The following KIF21A variants were observed in gnomAD, a reference collection of about 807,000 sequenced individuals.
KIF21A encodes kinesin-like protein KIF21A.
KIF21A carries 114 observed loss-of-function variants against 202.9 expected under a neutral mutation model. That is an observed-to-expected ratio of 0.56 (90% CI 0.48 to 0.66). The LOEUF (loss-of-function observed/expected upper bound fraction) is 0.66, where lower values mean the gene tolerates loss of function less well. Among genes scored for constraint, KIF21A ranks in the 30% least tolerant of loss-of-function variants. The pLI is 0.00. For missense variants in KIF21A, 1,677 were observed against 1,994.9 expected (o/e 0.84, Z 3.04); for synonymous variants, 667 against 670.8 (o/e 0.99, Z 0.09).
chr12:39,315,802 AT>A (rs1484856453), intron 30 of KIF21A, 129 bp downstream of exon 30: 1 of 777,826 alleles, frequency 1.3e-6, no homozygotes, highest in Admixed American at 1.7e-5. Flanking sequence ...GTTTAGAAAT[AT>A]TAGTGCATTT....
Position 39,317,095 on chromosome 12 carries a change from T to A in KIF21A, c.3908+978A>T, listed in dbSNP as rs375538968. Among the ~76,000 whole-genome samples the A allele has an allele frequency of 3.9e-5, 6 of 152,254 alleles. No individual in the cohort carries two copies. The East Asian group carries it at 1.2e-3, about 29-fold the overall frequency. ...TTTTGTTTAATAACACAGGAAAATA[T>A]TTACCTACCTAGATCAATGTAAAGA... On this transcript the variant is annotated intron_variant, in intron 29 of 37. Transcript: ENST00000361418.
At chr12:39,297,932 A>G (rs1452181648) in intron 37 of KIF21A, among the ~76,000 whole-genome samples, 1 of 150,368 alleles carries the variant, frequency 6.7e-6, no homozygotes, top group Non-Finnish European at 1.5e-5. Flanking sequence ...ATCAAAAAAA[A>G]AAAAGAAAAG....
intron 1 of KIF21A, among the ~76,000 whole-genome samples, chr12:39,430,668 T>C (rs1213869116): frequency 6.6e-6 from 1 of 152,166 alleles, no homozygotes; most frequent in Non-Finnish European, 1.5e-5. Flanking sequence ...CCTTAGTGGA[T>C]TTTATGTTTT....
At chr12:39,332,442 A>T (rs766638500) in intron 20 of KIF21A, 34 bp from the exon 21 acceptor site, 2 of 1,601,262 alleles carry the variant, frequency 1.2e-6, no homozygotes, top group Non-Finnish European at 1.7e-6. Context: ...TTAAGAAATT[A>T]TGTTCACTTA....
chr12:39,393,197 G>C (rs1951497978), intron 1 of KIF21A, among the ~76,000 whole-genome samples: 2 of 151,830 alleles, frequency 1.3e-5, no homozygotes, highest in Admixed American at 1.3e-4. Context: ...CACTGTGCAA[G>C]ACCTGCAGCA....
chr12:39,439,529 C>A (rs1939274110), intron 1 of KIF21A, among the ~76,000 whole-genome samples: 1 of 152,120 alleles, frequency 6.6e-6, no homozygotes, highest in Non-Finnish European at 1.5e-5. Context: ...CAAAACTTTA[C>A]AGCTGAAAAA....
At chr12:39,328,631 G>A (rs373712505) in intron 24 of KIF21A, among the ~76,000 whole-genome samples, 1 of 152,288 alleles carries the variant, frequency 6.6e-6, no homozygotes, top group South Asian at 2.1e-4. Context: ...ATGGGGCGCT[G>A]GCCCTGGCTC....
At chr12:39,382,220 C>T (rs1006601326) in intron 1 of KIF21A, among the ~76,000 whole-genome samples, 1 of 152,130 alleles carries the variant, frequency 6.6e-6, no homozygotes, top group Non-Finnish European at 1.5e-5. Context: ...ATCTGTCTTT[C>T]ATCATTCACT....
rs1422300308 is a variant in KIF21A, at chr12:39,293,269, T to G, written c.*1155A>C. 3 of 152,266 alleles carry G rather than the reference T, an allele frequency of 2.0e-5. No individual in the cohort carries two copies. The highest frequency in any genetic ancestry group is 4.4e-5 in the Non-Finnish European group (3 of 68,032). 9.4% of individuals were successfully genotyped at this position (152,266 alleles called of 1,614,324 possible). On this transcript the variant is annotated 3_prime_UTR_variant, in exon 38 of 38. Coordinates refer to ENST00000361418, the MANE Select transcript of KIF21A (RefSeq NM_001173464.2). ...TGTTTATTTAAGCCCTAGCTAAGTT[T>G]TCATTTACAAGCAAATATTTTCAGG... is the stretch of plus-strand genomic sequence containing the variant.
chr12:39,392,006 G>A (rs1013992972), intron 1 of KIF21A, among the ~76,000 whole-genome samples: 1 of 152,016 alleles, frequency 6.6e-6, no homozygotes, highest in Non-Finnish European at 1.5e-5. Context: ...CCAAAGTGCT[G>A]GGATTACAGG....
In KIF21A at chr12:39,358,071, T is replaced by C. The variant is rs1339521852; in HGVS notation, c.1215+107A>G. 2.3e-5 allele frequency: 23 copies of C among 983,846 alleles called. No homozygotes were observed. In the South Asian group the frequency reaches 3.0e-4, roughly 13 times the overall value. 60.9% of individuals were successfully genotyped at this position (983,846 alleles called of 1,614,324 possible). On this transcript the variant is annotated intron_variant, in intron 8 of 37. Transcript: ENST00000361418. ...TCCAAAAGGAAGGAGGACACTATTA[T>C]GACAACCAAGAGATTCCAGAAACAC...
rs746913383 is a variant in KIF21A, at chr12:39,332,978, C to A, written c.2617G>T (p.Ala873Ser). 6 of 1,614,026 alleles carry A rather than the reference C, an allele frequency of 3.7e-6. No homozygotes were observed. The East Asian group carries it at 1.3e-4, about 36-fold the overall frequency. Residue 873 changes from alanine (A) to serine (S), a missense_variant, in exon 19 of 38, where the codon GCA (alanine) becomes TCA (serine). By Grantham distance (99) the Ala-to-Ser change is moderately conservative. Transcript: ENST00000361418. ...TTCTGCTGGGCTCCTGTCCTTGATGCATCTGTTTCGACAGCAGCTGCACTG... is the reference window on the plus strand; with the variant it reads ...TTCTGCTGGGCTCCTGTCCTTGATGAATCTGTTTCGACAGCAGCTGCACTG... Reference protein sequence around the residue: ...GSSAAAVETDASRTGAQQKMR... With the variant: ...GSSAAAVETDSSRTGAQQKMR...
At chr12:39,426,339 G>A (rs866991907) in intron 1 of KIF21A, among the ~76,000 whole-genome samples, 9 of 151,670 alleles carry the variant, frequency 5.9e-5, no homozygotes, top group Non-Finnish European at 8.9e-5. Context: ...GCATGTATGC[G>A]TGTACTCATA....
chr12:39,309,835 A>C lies in KIF21A; in HGVS notation c.4097-69T>G, dbSNP rs1943847712. The C allele has an allele frequency of 2.4e-6, 3 of 1,235,912 alleles. No individual in the cohort carries two copies. The South Asian group carries it at 4.0e-5, about 16-fold the overall frequency. The allele number at this position is 1,235,912 out of a possible 1,614,324, so 76.6% of individuals were successfully genotyped here. A position where few individuals can be genotyped will look rare whatever the true frequency, so the allele number is the denominator to read the frequency against. ...CTACTTTAGGTTCTCTTAACAATAA[A>C]AATTATTTAAATAATTTCTCTTCTA... On this transcript the variant is annotated intron_variant, in intron 32 of 37. Transcript: ENST00000361418.
chr12:39,297,422 T>C (rs555501512), intron 37 of KIF21A, among the ~76,000 whole-genome samples: 1 of 152,206 alleles, frequency 6.6e-6, no homozygotes, highest in South Asian at 2.1e-4. Flanking sequence ...AAATGATGAC[T>C]TCATGTCCTT....
intron 11 of KIF21A, among the ~76,000 whole-genome samples, chr12:39,349,939 T>C (rs930219106): frequency 6.6e-6 from 1 of 152,010 alleles, no homozygotes; most frequent in African/African-American, 2.4e-5. Flanking sequence ...TAGGTGTCAG[T>C]GTACGAAGGT....
At chr12:39,414,872 C>T (rs1458917024) in intron 1 of KIF21A, among the ~76,000 whole-genome samples, 1 of 150,422 alleles carries the variant, frequency 6.6e-6, no homozygotes, top group Non-Finnish European at 1.5e-5. Context: ...AGATTACTTA[C>T]TATATACAAG....
chr12:39,426,032 T>C (rs7133775), intron 1 of KIF21A, among the ~76,000 whole-genome samples: 2,400 of 152,106 alleles, frequency 0.016, 54 homozygotes, highest in African/African-American at 0.054. Context: ...TTACCCTGCC[T>C]TGGGTCTTTG....
At chr12:39,352,084 T>C (rs1485568484) in intron 10 of KIF21A, 104 bp from the exon 11 acceptor site, 2 of 853,342 alleles carry the variant, frequency 2.3e-6, no homozygotes, top group Non-Finnish European at 3.9e-6. Flanking sequence ...TACAGCTCTG[T>C]AGCACTAAGC....
Sources: allele counts gnomAD v4.1 joint callset (sites outside exome capture counted in the v4.1 genomes callset), GRCh38; gene constraint gnomAD v4.1.1; transcripts MANE v1.5; gene names NCBI Gene and HGNC (gene_info 2026-07-23, HGNC 2026-07-21).